FYN: variants seen among roughly 807,000 people sequenced by gnomAD.
FYN encodes FYN proto-oncogene, Src family tyrosine kinase.
Under a neutral mutation model 70.2 loss-of-function variants are expected in FYN, and 10 were observed. The observed-to-expected ratio is 0.14, with a 90% CI of 0.09 to 0.24. The LOEUF (loss-of-function observed/expected upper bound fraction) is 0.24, where lower values mean the gene tolerates loss of function less well. Among genes scored for constraint, FYN ranks in the 10% least tolerant of loss-of-function variants. The pLI is 1.00. For missense variants in FYN, 319 were observed against 673.1 expected (o/e 0.47, Z 5.82); for synonymous variants, 236 against 248.6 (o/e 0.95, Z 0.48).
chr6:111,682,363 C>G (rs1036017975), intron 12 of FYN, among the ~76,000 whole-genome samples: 1 of 152,186 alleles, frequency 6.6e-6, no homozygotes, highest in Non-Finnish European at 1.5e-5. Flanking sequence ...CAGGATGGCC[C>G]ATCCCAAGCC....
intron 3 of FYN, among the ~76,000 whole-genome samples, chr6:111,728,189 A>G (rs1801276940): frequency 6.6e-6 from 1 of 152,184 alleles, no homozygotes; most frequent in African/African-American, 2.4e-5. Flanking sequence ...GGTGATGAAA[A>G]CAAGGATGAT....
intron 1 of FYN, among the ~76,000 whole-genome samples, chr6:111,858,802 T>C (rs1773887528): frequency 6.9e-6 from 1 of 144,932 alleles, no homozygotes; most frequent in Non-Finnish European, 1.5e-5. Flanking sequence ...CTGCTCATAA[T>C]GCAAGGTCTC....
At chr6:111,782,462 A>T (rs912074815) in intron 2 of FYN, among the ~76,000 whole-genome samples, 5 of 152,160 alleles carry the variant, frequency 3.3e-5, no homozygotes, top group Admixed American at 1.3e-4. Flanking sequence ...TGTAGATGGG[A>T]CACCTAAGCA....
chr6:111,719,050 A>C (rs1800807697), intron 4 of FYN, among the ~76,000 whole-genome samples: 1 of 152,222 alleles, frequency 6.6e-6, no homozygotes, highest in Non-Finnish European at 1.5e-5. Context: ...CTGCCAGATG[A>C]ACTGAGAGAT....
chr6:111,707,364 G>C (rs957150047), intron 6 of FYN, among the ~76,000 whole-genome samples: 1 of 152,150 alleles, frequency 6.6e-6, no homozygotes, highest in Non-Finnish European at 1.5e-5. Flanking sequence ...ATAACTGCTC[G>C]TCACTGTTTA....
chr6:111,673,622 G>GTTTTTTTTTTGTTTTTTT (rs1798399874), intron 13 of FYN, among the ~76,000 whole-genome samples: 1 of 116,558 alleles, frequency 8.6e-6, no homozygotes. Context: ...TTCTATCATT[G>GTTTTTTTTTTGTTTTTTT]TTTTTTTTTT....
At chr6:111,759,598 C>T (rs920893359) in intron 3 of FYN, among the ~76,000 whole-genome samples, 3 of 152,164 alleles carry the variant, frequency 2.0e-5, no homozygotes, top group African/African-American at 4.8e-5. Flanking sequence ...TTTGGTTCCC[C>T]CCCTAGGGGT....
At chr6:111,668,285 A>G (rs1798101321) in intron 13 of FYN, among the ~76,000 whole-genome samples, 1 of 152,234 alleles carries the variant, frequency 6.6e-6, no homozygotes, top group South Asian at 2.1e-4. Context: ...CTGATGGAAG[A>G]GTGTGGATGA....
intron 2 of FYN, among the ~76,000 whole-genome samples, chr6:111,803,829 T>G (rs1413782173): frequency 6.6e-6 from 1 of 152,214 alleles, no homozygotes; most frequent in Admixed American, 6.5e-5. Flanking sequence ...GAAGGAATAA[T>G]CTGCGGAAAT....
chr6:111,800,460 C>T (rs539598203), intron 2 of FYN, among the ~76,000 whole-genome samples: 2 of 151,890 alleles, frequency 1.3e-5, no homozygotes, highest in East Asian at 1.9e-4. Context: ...CACAACTTGC[C>T]GAAGGGATAT....
chr6:111,686,356 G>A (rs1303364183), intron 12 of FYN, among the ~76,000 whole-genome samples: 1 of 152,170 alleles, frequency 6.6e-6, no homozygotes, highest in Non-Finnish European at 1.5e-5. Flanking sequence ...CACGGTTCAG[G>A]CATGCGACTC....
At chr6:111,702,185 AG>A (rs1467203982) in intron 8 of FYN, among the ~76,000 whole-genome samples, 2 of 152,206 alleles carry the variant, frequency 1.3e-5, no homozygotes, top group Non-Finnish European at 2.9e-5. Context: ...TTGCTAATCT[AG>A]GAAAGAAAGC....
chr6:111,781,042 A>T (rs1369125803), intron 2 of FYN: 1 of 152,152 alleles, frequency 6.6e-6, no homozygotes, highest in Non-Finnish European at 1.5e-5. Flanking sequence ...GAGACCCTGG[A>T]CAGTTTTCCT....
chr6:111,766,463 C>A (rs148612637), intron 3 of FYN, among the ~76,000 whole-genome samples: 1 of 152,310 alleles, frequency 6.6e-6, no homozygotes, highest in African/African-American at 2.4e-5. Context: ...CTAGAAATAT[C>A]ATTCAGCCTT....
Position 111,686,807 on chromosome 6 carries a change from C to A in FYN, c.1273+7568G>T, listed in dbSNP as rs555452540. On this transcript the variant is annotated intron_variant, in intron 12 of 13. Coordinates refer to ENST00000354650, the MANE Select transcript of FYN (RefSeq NM_002037.5). Reference sequence around the variant, plus strand: ...CGGCGAGATCAGCCTTGATCTGCCACCGGATTACAGGGGCCTCAGAAGCGG... The same window carrying A: ...CGGCGAGATCAGCCTTGATCTGCCAACGGATTACAGGGGCCTCAGAAGCGG... Among the ~76,000 whole-genome samples, 14 of 152,328 alleles carry A rather than the reference C, an allele frequency of 9.2e-5. No individual in the cohort carries two copies. In the South Asian group the frequency reaches 2.9e-3, roughly 32 times the overall value.
At chr6:111,703,976 A>G (rs1250787218) in intron 7 of FYN, 23 bp downstream of exon 7, 3 of 1,578,114 alleles carry the variant, frequency 1.9e-6, no homozygotes, top group Non-Finnish European at 2.6e-6. Flanking sequence ...TGACAAGCCA[A>G]CTTCTTCAAC....
chr6:111,853,506 C>T (rs1466774610), intron 1 of FYN, among the ~76,000 whole-genome samples: 1 of 152,120 alleles, frequency 6.6e-6, no homozygotes, highest in East Asian at 1.9e-4. Context: ...GACAATCAGG[C>T]AAGAGCACAA....
chr6:111,711,562 C>T (rs1800380113), intron 5 of FYN, among the ~76,000 whole-genome samples: 1 of 151,846 alleles, frequency 6.6e-6, no homozygotes, highest in African/African-American at 2.4e-5. Context: ...GCACATCCCA[C>T]GGTGTATGTT....
At chr6:111,662,869 T>C (rs1457470914) in intron 13 of FYN, among the ~76,000 whole-genome samples, 1 of 152,206 alleles carries the variant, frequency 6.6e-6, no homozygotes, top group Non-Finnish European at 1.5e-5. Flanking sequence ...CTATCTCTAC[T>C]GATGACTTCA....
Sources: allele counts gnomAD v4.1 joint callset (sites outside exome capture counted in the v4.1 genomes callset), GRCh38; gene constraint gnomAD v4.1.1; transcripts MANE v1.5; gene names NCBI Gene and HGNC (gene_info 2026-07-23, HGNC 2026-07-21).